The following ASTN2 variants were observed in gnomAD, a reference collection of about 807,000 sequenced individuals.
ASTN2 encodes astrotactin 2.
In ASTN2, 54 loss-of-function variants were observed where a neutral mutation model predicts 139.8. The observed-to-expected ratio is 0.39, with a 90% CI of 0.31 to 0.48. The LOEUF (loss-of-function observed/expected upper bound fraction) is 0.48, where lower values mean the gene tolerates loss of function less well. Among genes scored for constraint, ASTN2 ranks in the 20% least tolerant of loss-of-function variants. The probability of loss-of-function intolerance (pLI) is 0.95; values close to 1 mark genes in which losing one functional copy is unlikely to be tolerated. For synonymous variants in ASTN2, 756 were observed against 719.5 expected (o/e 1.05, Z -0.81); for missense variants, 1,565 against 1,725.1 (o/e 0.91, Z 1.64).
intron 11 of ASTN2, among the ~76,000 whole-genome samples, chr9:116,853,376 C>T (rs1832660839): frequency 6.6e-6 from 1 of 152,088 alleles, no homozygotes; most frequent in South Asian, 2.1e-4. Flanking sequence ...ACAATTATTC[C>T]AGCTTTTCGT....
intron 17 of ASTN2, among the ~76,000 whole-genome samples, chr9:116,623,681 T>C (rs1856290393): frequency 6.6e-6 from 1 of 152,212 alleles, no homozygotes; most frequent in African/African-American, 2.4e-5. Context: ...AACTTCACGA[T>C]GAAACTACTC....
intron 19 of ASTN2, among the ~76,000 whole-genome samples, chr9:116,489,496 C>T (rs1216376585): frequency 2.0e-5 from 3 of 152,052 alleles, no homozygotes; most frequent in African/African-American, 7.2e-5. Flanking sequence ...ACCACCACAC[C>T]CAGCTGACTT....
intron 6 of ASTN2, among the ~76,000 whole-genome samples, chr9:117,011,803 C>A (rs112737294): frequency 1.3e-5 from 2 of 152,136 alleles, no homozygotes; most frequent in African/African-American, 4.8e-5. Flanking sequence ...CAGTAAGTGG[C>A]CAAAGTGGAA....
At chr9:117,370,172 A>C (rs1269250568) in intron 1 of ASTN2, among the ~76,000 whole-genome samples, 1 of 152,178 alleles carries the variant, frequency 6.6e-6, no homozygotes, top group African/African-American at 2.4e-5. Context: ...AGAACAGACA[A>C]TTCAGACAGC....
intron 4 of ASTN2, among the ~76,000 whole-genome samples, chr9:117,124,584 C>T (rs752012268): frequency 5.9e-5 from 9 of 152,096 alleles, no homozygotes; most frequent in Non-Finnish European, 1.2e-4. Context: ...TCTGCTGATG[C>T]TTTAGCATGA....
intron 19 of ASTN2, 39 bp from the exon 20 acceptor site, chr9:116,487,539 G>A: frequency 6.3e-7 from 1 of 1,595,706 alleles, no homozygotes; most frequent in Non-Finnish European, 8.5e-7. Context: ...CCCAGCTCAG[G>A]CCATAGTGAG....
intron 1 of ASTN2, among the ~76,000 whole-genome samples, chr9:117,375,248 C>T (rs947151861): frequency 6.6e-6 from 1 of 152,198 alleles, no homozygotes; most frequent in Non-Finnish European, 1.5e-5. Context: ...ATTCATTTAA[C>T]CTTGCCTGAA....
At chr9:116,863,784 T>A (rs771828922) in intron 10 of ASTN2, 51 bp from the exon 11 acceptor site, 1 of 1,515,076 alleles carries the variant, frequency 6.6e-7, no homozygotes, top group Non-Finnish European at 8.9e-7. Context: ...GATCCTTAGA[T>A]TAAAAAAATA....
chr9:117,189,335 G>A (rs528962509), intron 3 of ASTN2, among the ~76,000 whole-genome samples: 21 of 152,094 alleles, frequency 1.4e-4, no homozygotes. Flanking sequence ...GGCATGGGCT[G>A]GAACATGGAT....
At chr9:116,900,523 T>G (rs1833981779) in intron 10 of ASTN2, among the ~76,000 whole-genome samples, 1 of 152,192 alleles carries the variant, frequency 6.6e-6, no homozygotes, top group Non-Finnish European at 1.5e-5. Flanking sequence ...ATTCCTAGGC[T>G]TAACCCTCAG....
chr9:117,354,333 C>A (rs1292299005), intron 1 of ASTN2, among the ~76,000 whole-genome samples: 1 of 151,606 alleles, frequency 6.6e-6, no homozygotes, highest in African/African-American at 2.4e-5. Flanking sequence ...TCATTGCCCC[C>A]TCTCCCTGTG....
chr9:116,738,478 G>GAA (rs796987477), intron 13 of ASTN2, among the ~76,000 whole-genome samples: 2 of 136,026 alleles, frequency 1.5e-5, no homozygotes, highest in Non-Finnish European at 3.2e-5. Context: ...CATCTCAGAA[G>GAA]AAAAAAAAAA....
At chr9:117,172,392 C>T (rs1297288224) in intron 3 of ASTN2, among the ~76,000 whole-genome samples, 1 of 152,158 alleles carries the variant, frequency 6.6e-6, no homozygotes, top group Admixed American at 6.5e-5. Context: ...ATATGTTGGT[C>T]TGGGTGGTGG....
At position 116,566,523 on chromosome 9, in the gene ASTN2, T is replaced by C. The variant is rs550752693; in HGVS notation, c.3355+51801A>G. ...CCAGGACTCAGAACAGTGTTTCACATAGGTTAGGTGCTTAGAAAATATTTC... is the reference window on the plus strand; with the variant it reads ...CCAGGACTCAGAACAGTGTTTCACACAGGTTAGGTGCTTAGAAAATATTTC... On this transcript the variant is annotated intron_variant, in intron 19 of 22. Coordinates refer to ENST00000313400, the MANE Select transcript of ASTN2 (RefSeq NM_001365068.1). 2.0e-5 allele frequency among the ~76,000 whole-genome samples: 3 copies of C among 152,290 alleles called. No homozygotes were observed. The East Asian group carries it at 5.8e-4, about 29-fold the overall frequency.
intron 13 of ASTN2, among the ~76,000 whole-genome samples, chr9:116,764,699 A>G (rs1829760389): frequency 6.6e-6 from 1 of 152,208 alleles, no homozygotes; most frequent in African/African-American, 2.4e-5. Context: ...TCTTCCAAGA[A>G]GTGTGATCCC....
chr9:117,366,315 T>C (rs139370844), intron 1 of ASTN2, among the ~76,000 whole-genome samples: 1 of 152,262 alleles, frequency 6.6e-6, no homozygotes, highest in Non-Finnish European at 1.5e-5. Flanking sequence ...TTAAACTATA[T>C]AGGGCACTTT....
chr9:116,975,403 A>C, intron 9 of ASTN2, 58 bp from the exon 10 acceptor site: 1 of 1,508,384 alleles, frequency 6.6e-7, no homozygotes, highest in Non-Finnish European at 8.9e-7. Context: ...CAAACAGAAA[A>C]AAGGGGCCCC....
chr9:117,158,204 T>A (rs562030733), intron 3 of ASTN2, among the ~76,000 whole-genome samples: 1 of 152,198 alleles, frequency 6.6e-6, no homozygotes, highest in African/African-American at 2.4e-5. Flanking sequence ...GACTATGCAT[T>A]TATTCAAATA....
chr9:116,576,105 T>G (rs1853712884), intron 19 of ASTN2, among the ~76,000 whole-genome samples: 1 of 152,184 alleles, frequency 6.6e-6, no homozygotes, highest in Non-Finnish European at 1.5e-5. Flanking sequence ...GGCCTCACTT[T>G]GAACTCTCCC....
Sources: gnomAD v4.1 joint callset for allele counts (sites outside exome capture counted in the v4.1 genomes callset) on GRCh38, gnomAD v4.1.1 for gene constraint, MANE v1.5 for transcripts, NCBI Gene and HGNC (gene_info 2026-07-23, HGNC 2026-07-21) for gene names.